Variants in KCNA3 observed in about 807,000 individuals in gnomAD.
The protein encoded by KCNA3 is potassium voltage-gated channel subfamily A member 3, also known as RP11-284N8.3.
In KCNA3, 18 loss-of-function variants were observed where a neutral mutation model predicts 34.3. That is an observed-to-expected ratio of 0.52 (90% confidence interval 0.36 to 0.78). The LOEUF is 0.78. Ranked by LOEUF, KCNA3 falls within the 30% of genes least tolerant of loss-of-function variation. KCNA3 has a pLI of 0.00. For missense variants in KCNA3, 587 were observed against 802.5 expected (o/e 0.73, Z 3.24); for synonymous variants, 324 against 351.7 (o/e 0.92, Z 0.88).
chr1:110,664,962 G>A, the KCNA3 span, among the ~76,000 whole-genome samples: 2 of 152,174 alleles, frequency 1.3e-5, no homozygotes, highest in African/African-American at 4.8e-5. Flanking sequence ...CCAAGGTGGA[G>A]CATGCCTGGT....
At position 110,674,427 on chromosome 1, in the gene KCNA3, G is replaced by A; in HGVS notation, c.383C>T (p.Thr128Met). The change falls in exon 1 of 1, where the codon ACG becomes ATG. Residue 128 changes from threonine (T) to methionine (M), a missense_variant. This residue lies in a region of KCNA3 where 341 missense variants were observed against 355.4 expected (regional missense o/e 0.96). Transcript: ENST00000369769. This position sits in a 1 kb window ranked among gnomAD's most constrained non-coding sequence, Gnocchi z 6.4. ...QLKTLCQFPE[T>M]LLGDPKRRMR... is the part of the protein sequence containing the mutation. Reference sequence around the variant, plus strand: ...GCGCCGCTTGGGGTCGCCCAGCAGCGTCTCGGGGAACTGGCAAAGGGTCTT... The same window carrying A: ...GCGCCGCTTGGGGTCGCCCAGCAGCATCTCGGGGAACTGGCAAAGGGTCTT... The A allele has an allele frequency of 6.2e-7, 1 of 1,614,124 alleles. No homozygotes were observed. Among genetic ancestry groups the A allele is most frequent in the South Asian group, 1.1e-5 (1 of 91,078 alleles).
rs745764870 is a variant in KCNA3 at position 110,673,668 on chromosome 1, G to A, written c.1142C>T (p.Ser381Phe). The A allele has an allele frequency of 6.2e-7, 1 of 1,614,198 alleles. No homozygotes were observed. Among genetic ancestry groups the A allele is most frequent in the Non-Finnish European group, 8.5e-7 (1 of 1,180,042 alleles). The change falls in exon 1 of 1, where the codon TCC becomes TTC. Residue 381 changes from serine to phenylalanine, a missense_variant. Around this residue, in one of 7 missense-constraint regions of KCNA3, gnomAD observed 84 missense variants for 223.1 expected, o/e 0.38. Transcript: ENST00000369769. The surrounding 1 kb of genome is among the most constrained non-coding windows in gnomAD (Gnocchi z 8.8). Reference protein sequence around the residue: ...VFRIFKLSRHSKGLQILGQTL... With the variant: ...VFRIFKLSRHFKGLQILGQTL... The stretch of plus-strand genomic sequence containing the variant: ...TTGCCCGAGGATCTGCAGCCCCTTG[G>A]AGTGGCGCGACAGCTTGAAGATGCG...
At chr1:110,672,025 T>A (rs887092362), downstream of KCNA3, among the ~76,000 whole-genome samples, 43 of 152,358 alleles carry the variant, frequency 2.8e-4, no homozygotes, top group African/African-American at 9.4e-4. Context: ...GACTTAACTT[T>A]ATTTTTTGTG....
rs751305292 is a variant in KCNA3 at position 110,673,018 on chromosome 1, A to G, written c.*64T>C. ...GTCTGGAAATGTATAAAACAAGGGC[A>G]TAGGCAGACCAAGGGGGCACGTTCC... On this transcript the variant is annotated 3_prime_UTR_variant, in exon 1 of 1. Coordinates refer to ENST00000369769, the MANE Select transcript of KCNA3 (RefSeq NM_002232.5). This position sits in a 1 kb window ranked among gnomAD's most constrained non-coding sequence, Gnocchi z 8.8. 6.8e-7 allele frequency: 1 copy of G among 1,469,924 alleles called. No homozygotes were observed. Among genetic ancestry groups the G allele is most frequent in the Non-Finnish European group, 9.3e-7 (1 of 1,075,344 alleles). The allele number at this position is 1,469,924 out of a possible 1,614,324, so 91.1% of individuals were successfully genotyped here. A position where few individuals can be genotyped will look rare whatever the true frequency, so the allele number is the denominator to read the frequency against.
chr1:110,665,274 C>G, the KCNA3 span, among the ~76,000 whole-genome samples: 5 of 152,176 alleles, frequency 3.3e-5, no homozygotes, highest in Non-Finnish European at 5.9e-5. Context: ...TGTAAAAATT[C>G]AGGTGAAGAT....
downstream of KCNA3, among the ~76,000 whole-genome samples, chr1:110,669,781 G>C (rs1216630251): frequency 1.3e-5 from 2 of 152,180 alleles, no homozygotes; most frequent in African/African-American, 4.8e-5. Context: ...TTGCGGAGTT[G>C]ACAAGTGTCC....
At chr1:110,671,172 T>C (rs917854155), downstream of KCNA3, among the ~76,000 whole-genome samples, 7 of 152,136 alleles carry the variant, frequency 4.6e-5, no homozygotes, top group African/African-American at 1.7e-4. Context: ...GGGAAACAGG[T>C]TGCTTGGAGG....
Position 110,674,129 on chromosome 1 carries a change from G to T in KCNA3, c.681C>A (p.Pro227=). 6.2e-7 allele frequency: 1 copy of T among 1,612,362 alleles called. No individual in the cohort carries two copies. The highest frequency in any genetic ancestry group is 8.5e-7 in the Non-Finnish European group (1 of 1,179,228). The part of the protein sequence containing the change: ...QRQVWLLFEY[P]ESSGPARGIA... ...TGCCCCGGGCCGGCCCGGAGCTCTC[G>T]GGGTACTCGAAGAGCAGCCACACCT... The change falls in exon 1 of 1, where the codon CCC becomes CCA. Residue 227 remains proline (P), a synonymous_variant. Coordinates refer to ENST00000369769, the MANE Select transcript of KCNA3 (RefSeq NM_002232.5). The surrounding 1 kb of genome is among the most constrained non-coding windows in gnomAD (Gnocchi z 6.4).
At chr1:110,659,158 C>T in the KCNA3 span, among the ~76,000 whole-genome samples, 1 of 142,104 alleles carries the variant, frequency 7.0e-6, no homozygotes, top group Non-Finnish European at 1.5e-5. Context: ...CATGATTAAA[C>T]ACAGTCCACT....
chr1:110,659,755 A>G, the KCNA3 span, among the ~76,000 whole-genome samples: 7 of 152,234 alleles, frequency 4.6e-5, no homozygotes, highest in African/African-American at 1.7e-4. Context: ...CTATGCAGCC[A>G]TAAAAAAGGA....
chr1:110,673,855 T>A lies in KCNA3; in HGVS notation c.955A>T (p.Ser319Cys). The A allele has an allele frequency of 1.2e-6, 2 of 1,614,034 alleles. No homozygotes were observed. The highest frequency in any genetic ancestry group is 8.5e-7 in the Non-Finnish European group (1 of 1,179,984). ...ELLVRFFACP[S>C]KATFSRNIMN... The stretch of plus-strand genomic sequence containing the variant: ...ATGTTTCGCGAGAAGGTGGCTTTGC[T>A]AGGACAAGCGAAGAACCGCACCAGC... The change falls in exon 1 of 1, where the codon AGC becomes TGC. Residue 319 changes from serine (S) to cysteine (C), a missense_variant. Physicochemically the swap from Ser to Cys is moderately radical, Grantham distance 112 (BLOSUM62 -1). Transcript: ENST00000369769. The surrounding 1 kb of genome is among the most constrained non-coding windows in gnomAD (Gnocchi z 8.8).
At chr1:110,668,754 C>T (rs1290953201), downstream of KCNA3, among the ~76,000 whole-genome samples, 1 of 152,032 alleles carries the variant, frequency 6.6e-6, no homozygotes, top group East Asian at 1.9e-4. Context: ...TACATTTTTC[C>T]CCAGGGTGTT....
chr1:110,658,181 T>A, the KCNA3 span, among the ~76,000 whole-genome samples: 1 of 152,252 alleles, frequency 6.6e-6, no homozygotes. Flanking sequence ...TCTATCTGTT[T>A]CGCTGCAGGT....
chr1:110,673,807 C>T lies in KCNA3; in HGVS notation c.1003G>A (p.Ala335Thr), dbSNP rs1321970152. The T allele has an allele frequency of 6.2e-7, 1 of 1,614,148 alleles. No homozygotes were observed. The highest frequency in any genetic ancestry group is 2.2e-5 in the East Asian group (1 of 44,884). ...RNIMNLIDIV[A>T]IIPYFITLGT... ...AGAGTGATAAAATAAGGAATGATGG[C>T]CACAATGTCGATCAGGTTCATGATG... Residue 335 changes from alanine (A) to threonine (T), a missense_variant, in exon 1 of 1, where the codon GCC becomes ACC. Ala to Thr is a moderately conservative substitution (Grantham distance 58). Transcript: ENST00000369769. This position sits in a 1 kb window ranked among gnomAD's most constrained non-coding sequence, Gnocchi z 8.8.
chr1:110,653,588 A>T, the KCNA3 span: 1 of 152,238 alleles, frequency 6.6e-6, no homozygotes, highest in African/African-American at 2.4e-5. Context: ...TGAATTCTGT[A>T]TATAACATTA....
the KCNA3 span, among the ~76,000 whole-genome samples, chr1:110,661,117 T>C: frequency 6.6e-6 from 1 of 152,290 alleles, no homozygotes; most frequent in South Asian, 2.1e-4. Context: ...GTGAATATCA[T>C]CCATCACAAT....
At chr1:110,657,861 C>A in the KCNA3 span, among the ~76,000 whole-genome samples, 1 of 152,140 alleles carries the variant, frequency 6.6e-6, no homozygotes, top group Non-Finnish European at 1.5e-5. Flanking sequence ...TTTACTGTTA[C>A]CCAGGCTGTG....
At chr1:110,666,361 G>T in the KCNA3 span, among the ~76,000 whole-genome samples, 2 of 152,120 alleles carry the variant, frequency 1.3e-5, no homozygotes, top group African/African-American at 4.8e-5. Flanking sequence ...GAAAGAGGAG[G>T]CTGGCAGTGA....
the KCNA3 span, among the ~76,000 whole-genome samples, chr1:110,657,291 C>G: frequency 6.6e-6 from 1 of 152,144 alleles, no homozygotes; most frequent in Non-Finnish European, 1.5e-5. Flanking sequence ...TTGTGATCCA[C>G]CTGCCTTGGC....
Sources: gnomAD v4.1 joint callset for allele counts (sites outside exome capture counted in the v4.1 genomes callset) on GRCh38, gnomAD v4.1.1 for gene constraint, gnomAD v4.1.1 regional missense constraint, Gnocchi (gnomAD v3.1) non-coding constraint, MANE v1.5 for transcripts, NCBI Gene and HGNC (gene_info 2026-07-23, HGNC 2026-07-21) for gene names.